C8orf34: variants seen among roughly 807,000 people sequenced by gnomAD.
The protein encoded by C8orf34 is uncharacterized protein C8orf34.
In C8orf34, 65 loss-of-function variants were observed where a neutral mutation model predicts 68.3. The observed-to-expected ratio is 0.95, with a 90% confidence interval of 0.78 to 1.17. The LOEUF is 1.17. Ranked by LOEUF, C8orf34 falls within the 50% of genes most tolerant of loss-of-function variation. The pLI is 0.00. For missense variants in C8orf34, 664 were observed against 655.4 expected, an observed-to-expected ratio of 1.01 and a Z score of -0.14; for synonymous variants, 244 against 241.2, an observed-to-expected ratio of 1.01 and a Z score of -0.11.
At chr8:68,780,158 C>T (rs536862685) in intron 11 of C8orf34, among the ~76,000 whole-genome samples, 3 of 152,316 alleles carry the variant, frequency 2.0e-5, no homozygotes, top group Admixed American at 1.3e-4. Flanking sequence ...ACACAATTTA[C>T]ACTTATATGG....
chr8:68,378,223 A>C lies in C8orf34; in HGVS notation c.327+46884A>C, dbSNP rs577238817. Among the ~76,000 whole-genome samples the C allele has an allele frequency of 2.6e-5, 4 of 152,312 alleles. No homozygotes were observed. In the South Asian group the frequency reaches 8.3e-4, roughly 32 times the overall value. On this transcript the variant is annotated intron_variant, in intron 1 of 13. Transcript: ENST00000518698. Reference sequence around the variant, plus strand: ...CCCATTTTCCATGTTCTGTGCCTGAATGATGAACTTCAGAAAAAATTCCTT... The same window carrying C: ...CCCATTTTCCATGTTCTGTGCCTGACTGATGAACTTCAGAAAAAATTCCTT...
intron 6 of C8orf34, among the ~76,000 whole-genome samples, chr8:68,524,472 A>G (rs939967931): frequency 2.0e-5 from 3 of 152,236 alleles, no homozygotes; most frequent in African/African-American, 7.2e-5. Context: ...AAGAGATACT[A>G]ACATGGAGTC....
chr8:68,761,247 G>T (rs886911880), intron 10 of C8orf34, among the ~76,000 whole-genome samples: 1 of 152,138 alleles, frequency 6.6e-6, no homozygotes, highest in African/African-American at 2.4e-5. Context: ...AGAACTTTAG[G>T]AAGAGACCAC....
chr8:68,787,666 C>A, intron 12 of C8orf34, 130 bp downstream of exon 12: 1 of 548,468 alleles, frequency 1.8e-6, no homozygotes, highest in Non-Finnish European at 3.2e-6. Flanking sequence ...TTAGGAAGAA[C>A]ATGTAAAGAC....
intron 1 of C8orf34, among the ~76,000 whole-genome samples, chr8:68,393,544 A>T (rs1211968033): frequency 1.3e-5 from 2 of 152,018 alleles, no homozygotes; most frequent in Non-Finnish European, 2.9e-5. Flanking sequence ...CTTTTTCTGC[A>T]CTGGGCTTCC....
intron 3 of C8orf34, chr8:68,446,970 A>T (rs1811150932): frequency 6.5e-6 from 1 of 152,786 alleles, no homozygotes; most frequent in South Asian, 2.1e-4. Context: ...CTTTGTTTTT[A>T]TGTTACTACA....
Position 68,528,887 on chromosome 8 carries a change from G to A in C8orf34, c.939-4096G>A, listed in dbSNP as rs182230716. Among the ~76,000 whole-genome samples, 6 of 152,294 alleles carry A rather than the reference G, an allele frequency of 3.9e-5. No homozygotes were observed. The East Asian group carries it at 1.2e-3, about 29-fold the overall frequency. On this transcript the variant is annotated intron_variant, in intron 6 of 13. Coordinates refer to ENST00000518698, the MANE Select transcript of C8orf34 (RefSeq NM_052958.4). ...AAGCTTCCTCCAGCAGACTCTCTGT[G>A]CACCTGGCTTATCTGTGCTCAGGTT...
At chr8:68,446,800 T>C in intron 3 of C8orf34, 3 of 292,298 alleles carry the variant, frequency 1.0e-5, no homozygotes, top group Non-Finnish European at 1.9e-5. Flanking sequence ...ATGAAGTATG[T>C]AAAAGCAAAT....
At chr8:68,371,873 C>T (rs1036623723) in intron 1 of C8orf34, among the ~76,000 whole-genome samples, 1 of 152,154 alleles carries the variant, frequency 6.6e-6, no homozygotes, top group Non-Finnish European at 1.5e-5. Context: ...GCTGGGATTA[C>T]AGGCACCACT....
chr8:68,772,135 T>C, intron 10 of C8orf34, among the ~76,000 whole-genome samples: 1 of 152,198 alleles, frequency 6.6e-6, no homozygotes, highest in Non-Finnish European at 1.5e-5. Context: ...AGAATTATTG[T>C]TTAGTTTCCT....
chr8:68,627,995 A>G (rs1260700592), intron 7 of C8orf34, among the ~76,000 whole-genome samples: 2 of 152,194 alleles, frequency 1.3e-5, no homozygotes, highest in Non-Finnish European at 2.9e-5. Flanking sequence ...TTAAATGTAT[A>G]TAAACATTTT....
Position 68,721,417 on chromosome 8 carries a change from G to A in C8orf34, c.1384G>A (p.Ala462Thr), listed in dbSNP as rs1158968832. Residue 462 changes from alanine (A) to threonine (T), a missense_variant, in exon 10 of 14, where the codon GCA (alanine) becomes ACA (threonine). Physicochemically the swap from Ala to Thr is moderately conservative, Grantham distance 58. Transcript: ENST00000518698. The part of the protein sequence containing the change: ...LMEEGDEFEK[A>T]SKLTGPGEAS... The stretch of plus-strand genomic sequence containing the variant: ...GGAGGAGGGTGACGAATTTGAGAAA[G>A]CATCTAAACTAACAGGACCTGTAAG... 1 of 1,608,038 alleles carries A rather than the reference G, an allele frequency of 6.2e-7. No individual in the cohort carries two copies. The highest frequency in any genetic ancestry group is 8.5e-7 in the Non-Finnish European group (1 of 1,175,866).
rs370685991 is a variant in C8orf34, at chr8:68,780,855, C to T, written c.1455+4406C>T. ...TTATTTACAAACTTTACAAATTTAG[C>T]TGTGTACATAAAGGGAATTTCATTT... is the stretch of plus-strand genomic sequence containing the variant. On this transcript the variant is annotated intron_variant, in intron 11 of 13. Transcript: ENST00000518698. Among the ~76,000 whole-genome samples the T allele has an allele frequency of 9.2e-5, 14 of 152,228 alleles. No homozygotes were observed. The South Asian group carries it at 2.7e-3, about 29-fold the overall frequency.
chr8:68,721,664 C>T (rs1300431189), intron 10 of C8orf34, among the ~76,000 whole-genome samples: 1 of 151,798 alleles, frequency 6.6e-6, no homozygotes, highest in Non-Finnish European at 1.5e-5. Flanking sequence ...AGGTTATGAG[C>T]TGCCATGTGA....
chr8:68,503,235 T>C (rs1323105122), intron 5 of C8orf34, among the ~76,000 whole-genome samples: 1 of 152,180 alleles, frequency 6.6e-6, no homozygotes, highest in Non-Finnish European at 1.5e-5. Flanking sequence ...TAAATATTTG[T>C]TTATATTAGA....
chr8:68,365,265 AC>A (rs1382545900), intron 1 of C8orf34, among the ~76,000 whole-genome samples: 1 of 106,732 alleles, frequency 9.4e-6, no homozygotes, highest in African/African-American at 3.8e-5. Flanking sequence ...TAGCTTACCA[AC>A]CAAAAAGAGT....
chr8:68,450,258 C>T (rs1444280391), intron 3 of C8orf34, among the ~76,000 whole-genome samples: 1 of 152,054 alleles, frequency 6.6e-6, no homozygotes, highest in Non-Finnish European at 1.5e-5. Context: ...CTATTTCCAC[C>T]ATATATTCAG....
intron 8 of C8orf34, among the ~76,000 whole-genome samples, chr8:68,655,651 T>G (rs1315256088): frequency 1.3e-5 from 2 of 152,148 alleles, no homozygotes; most frequent in African/African-American, 4.8e-5. Context: ...GATAGGTGAG[T>G]CTAAGCTTGT....
At chr8:68,551,876 T>C (rs1816084370) in intron 7 of C8orf34, among the ~76,000 whole-genome samples, 1 of 152,144 alleles carries the variant, frequency 6.6e-6, no homozygotes, top group South Asian at 2.1e-4. Flanking sequence ...ATGCCCATGA[T>C]TTCTGTTGAG....
Sources: allele counts gnomAD v4.1 joint callset (sites outside exome capture counted in the v4.1 genomes callset), GRCh38; gene constraint gnomAD v4.1.1; transcripts MANE v1.5; gene names NCBI Gene and HGNC (gene_info 2026-07-23, HGNC 2026-07-21).